The following GRIN2A variants were observed in gnomAD, a reference collection of about 807,000 sequenced individuals.
GRIN2A encodes glutamate receptor ionotropic, NMDA 2A.
GRIN2A carries 22 observed loss-of-function variants against 113.4 expected under a neutral mutation model. The observed-to-expected ratio is 0.19, with a 90% CI of 0.14 to 0.28. The LOEUF (loss-of-function observed/expected upper bound fraction) is 0.28, where lower values mean the gene tolerates loss of function less well. Ranked by LOEUF, GRIN2A falls within the 10% of genes least tolerant of loss-of-function variation. The pLI, the probability that GRIN2A is intolerant of heterozygous loss-of-function variation, is 1.00. For synonymous variants in GRIN2A, 827 were observed against 738.4 expected, an observed-to-expected ratio of 1.12 and a Z score of -1.94; for missense variants, 1,502 against 1,887.0, an observed-to-expected ratio of 0.80 and a Z score of 3.78.
rs566026808 is a variant in GRIN2A at position 9,758,338 on chromosome 16, C to T, written c.*4811G>A. ...CATTGTCTTCAGAAGCAAATGCGAGCAGAATATATTCTATACCCCTCATCC... is the reference window on the plus strand; with the variant it reads ...CATTGTCTTCAGAAGCAAATGCGAGTAGAATATATTCTATACCCCTCATCC... On this transcript the variant is annotated 3_prime_UTR_variant, in exon 13 of 13. Coordinates refer to ENST00000330684, the MANE Select transcript of GRIN2A (RefSeq NM_001134407.3). 4.5e-6 allele frequency: 1 copy of T among 224,540 alleles called. No individual in the cohort carries two copies. The highest frequency in any genetic ancestry group is 8.9e-6 in the Non-Finnish European group (1 of 112,612). 13.9% of individuals were successfully genotyped at this position (224,540 alleles called of 1,614,324 possible).
At chr16:10,018,843 T>C (rs775581644) in intron 2 of GRIN2A, among the ~76,000 whole-genome samples, 36 of 152,264 alleles carry the variant, frequency 2.4e-4, no homozygotes, top group Non-Finnish European at 3.1e-4. Flanking sequence ...GAAATCCTCA[T>C]TGTCATAAGC....
At chr16:10,051,900 G>T (rs189591809) in intron 2 of GRIN2A, among the ~76,000 whole-genome samples, 201 of 152,334 alleles carry the variant, frequency 1.3e-3, no homozygotes, top group African/African-American at 4.7e-3. Flanking sequence ...ATTTTGTAAA[G>T]ACTACACTTG....
chr16:9,919,281 T>C (rs1040434819), intron 3 of GRIN2A, among the ~76,000 whole-genome samples: 5 of 152,332 alleles, frequency 3.3e-5, no homozygotes, highest in African/African-American at 7.2e-5. Context: ...TCTTAGTTCT[T>C]CCTCATGTAT....
intron 4 of GRIN2A, among the ~76,000 whole-genome samples, chr16:9,877,519 A>T (rs940219783): frequency 6.6e-6 from 1 of 152,186 alleles, no homozygotes; most frequent in African/African-American, 2.4e-5. Flanking sequence ...GAAAGGAATC[A>T]GCATTCAAGG....
chr16:9,836,089 T>A (rs1380121032), intron 7 of GRIN2A, among the ~76,000 whole-genome samples: 1 of 152,172 alleles, frequency 6.6e-6, no homozygotes, highest in Non-Finnish European at 1.5e-5. Context: ...ATTAGATAAA[T>A]AAATGATTAG....
intron 2 of GRIN2A, among the ~76,000 whole-genome samples, chr16:9,978,688 A>C (rs552448756): frequency 2.6e-5 from 4 of 152,296 alleles, no homozygotes; most frequent in African/African-American, 9.6e-5. Context: ...CTCCAGAAGG[A>C]TTTTTATCAC....
Position 9,798,290 on chromosome 16 carries a change from C to A in GRIN2A, c.2343G>T (p.Gln781His), listed in dbSNP as rs1903125741. ...CCGGGGTCTTACCATCACCCACAAA[C>A]TGAAGCAAGGCCAGGTCGATCTGCC... ...WKRQIDLALL[Q>H]FVGDGEMEEL... Residue 781 changes from glutamine (Q) to histidine (H), a missense_variant, in exon 11 of 13, where the codon CAG (glutamine) becomes CAT (histidine). By Grantham distance (24) the Gln-to-His change is conservative (BLOSUM62 0). This residue lies in a region of GRIN2A where 101 missense variants were observed against 240.4 expected (regional missense o/e 0.42). Coordinates refer to ENST00000330684, the MANE Select transcript of GRIN2A (RefSeq NM_001134407.3). 1 of 1,613,860 alleles carries A rather than the reference C, an allele frequency of 6.2e-7. No individual in the cohort carries two copies. The highest frequency in any genetic ancestry group is 1.3e-5 in the African/African-American group (1 of 74,936).
intron 10 of GRIN2A, among the ~76,000 whole-genome samples, chr16:9,802,776 C>T (rs9937295): frequency 0.031 from 4,735 of 152,176 alleles, 253 homozygotes; most frequent in African/African-American, 0.11. Flanking sequence ...CTATGGATAT[C>T]GAGCACTTGA....
intron 3 of GRIN2A, among the ~76,000 whole-genome samples, chr16:9,918,780 A>G (rs1195402961): frequency 6.6e-6 from 1 of 151,836 alleles, no homozygotes; most frequent in Non-Finnish European, 1.5e-5. Flanking sequence ...AATATTATAC[A>G]TTCACTGTAA....
chr16:10,140,543 C>G (rs2049304174), intron 2 of GRIN2A, among the ~76,000 whole-genome samples: 1 of 152,128 alleles, frequency 6.6e-6, no homozygotes, highest in Non-Finnish European at 1.5e-5. Context: ...TTGGTTTTCT[C>G]TAGTCCAGAA....
At chr16:9,886,279 G>A (rs2043584823) in intron 4 of GRIN2A, among the ~76,000 whole-genome samples, 1 of 152,074 alleles carries the variant, frequency 6.6e-6, no homozygotes, top group African/African-American at 2.4e-5. Flanking sequence ...AACATGAATT[G>A]CATTTTGGCT....
At chr16:9,928,829 T>C (rs1407198001) in intron 3 of GRIN2A, among the ~76,000 whole-genome samples, 1 of 152,252 alleles carries the variant, frequency 6.6e-6, no homozygotes, top group Non-Finnish European at 1.5e-5. Context: ...TGACTTGCCA[T>C]ACTTTCTCAA....
At chr16:10,019,775 G>A (rs887254489) in intron 2 of GRIN2A, among the ~76,000 whole-genome samples, 1 of 152,188 alleles carries the variant, frequency 6.6e-6, no homozygotes, top group Non-Finnish European at 1.5e-5. Flanking sequence ...CTTCCTGGCT[G>A]ACTTAGAAAT....
chr16:9,766,099 G>A (rs772980165), intron 12 of GRIN2A, among the ~76,000 whole-genome samples: 4 of 152,142 alleles, frequency 2.6e-5, no homozygotes, highest in Non-Finnish European at 5.9e-5. Flanking sequence ...GATTTCAGCA[G>A]CCGTACCTAC....
At chr16:9,927,131 C>G (rs2141597697) in intron 3 of GRIN2A, among the ~76,000 whole-genome samples, 1 of 152,314 alleles carries the variant, frequency 6.6e-6, no homozygotes, top group Admixed American at 6.5e-5. Context: ...CCTGCTGGTA[C>G]TCTAGCATTC....
chr16:9,922,788 T>G lies in GRIN2A; in HGVS notation c.1007+15171A>C, dbSNP rs79102689. 2.6e-5 allele frequency among the ~76,000 whole-genome samples: 4 copies of G among 152,138 alleles called. No homozygotes were observed. In the East Asian group the frequency reaches 5.8e-4, roughly 22 times the overall value. On this transcript the variant is annotated intron_variant, in intron 3 of 12. Transcript: ENST00000330684. ...AGTTTGTTATTTAGTGTGCAAACAT[T>G]TGGGGAATTTCTGGAGATCTTTCAG...
chr16:9,868,195 T>A (rs2043194746), intron 4 of GRIN2A, among the ~76,000 whole-genome samples: 1 of 152,140 alleles, frequency 6.6e-6, no homozygotes, highest in African/African-American at 2.4e-5. Flanking sequence ...TGACTCAGCT[T>A]CTTAGCTGGC....
chr16:10,040,780 G>A (rs60920123), intron 2 of GRIN2A, among the ~76,000 whole-genome samples: 61,209 of 152,132 alleles, frequency 0.4, 12,506 homozygotes, highest in Middle Eastern at 0.45. Flanking sequence ...GCTGCGCTCC[G>A]ACACTGCATC....
intron 2 of GRIN2A, among the ~76,000 whole-genome samples, chr16:10,055,267 G>T (rs1224476533): frequency 1.3e-5 from 2 of 151,826 alleles, no homozygotes; most frequent in African/African-American, 4.8e-5. Context: ...ATAAGGGAAT[G>T]AAATGAGGGT....
Sources: allele counts gnomAD v4.1 joint callset (sites outside exome capture counted in the v4.1 genomes callset), GRCh38; gene constraint gnomAD v4.1.1; regional missense constraint gnomAD v4.1.1; transcripts MANE v1.5; gene names NCBI Gene and HGNC (gene_info 2026-07-23, HGNC 2026-07-21).